GYPE: variants seen among roughly 807,000 people sequenced by gnomAD.
GYPE encodes glycophorin-E.
Under a neutral mutation model 11.6 loss-of-function variants are expected in GYPE, and 8 were observed. The observed-to-expected ratio is 0.69, with a 90% CI of 0.41 to 1.25. The LOEUF is 1.25. GYPE is among the 50% of genes most tolerant of loss of function. The probability of loss-of-function intolerance (pLI) is 0.01; values close to 1 mark genes in which losing one functional copy is unlikely to be tolerated. For missense variants in GYPE, 90 were observed against 92.8 expected (o/e 0.97, Z 0.12); for synonymous variants, 28 against 29.6 (o/e 0.94, Z 0.18).
chr4:143,892,035 T>C (rs1744428426), intron 1 of GYPE, among the ~76,000 whole-genome samples: 1 of 152,230 alleles, frequency 6.6e-6, no homozygotes, highest in African/African-American at 2.4e-5. Flanking sequence ...TGGTTTAGTC[T>C]TGGGAGAGTG....
intron 1 of GYPE, among the ~76,000 whole-genome samples, chr4:143,890,627 A>G (rs1578967923): frequency 1.3e-5 from 2 of 152,194 alleles, no homozygotes; most frequent in African/African-American, 4.8e-5. Flanking sequence ...AGTTGGTAAT[A>G]TAGATTAATA....
intron 1 of GYPE, among the ~76,000 whole-genome samples, chr4:143,894,183 G>A (rs1394982652): frequency 6.6e-6 from 1 of 151,402 alleles, no homozygotes; most frequent in East Asian, 1.9e-4. Flanking sequence ...GCACTTCTCT[G>A]TATTGGTTAT....
At chr4:143,897,085 C>A (rs1158630332) in intron 1 of GYPE, among the ~76,000 whole-genome samples, 3 of 151,992 alleles carry the variant, frequency 2.0e-5, no homozygotes. Flanking sequence ...TGCAGCACAC[C>A]AGCATGGCAC....
At chr4:143,883,563 T>A (rs59049431) in intron 1 of GYPE, among the ~76,000 whole-genome samples, 961 of 16,652 alleles carry the variant, frequency 0.058, 158 homozygotes, top group East Asian at 0.32. Context: ...TTTATAATTA[T>A]TAATAACATG....
At chr4:143,902,442 T>C (rs1744902725) in intron 1 of GYPE, among the ~76,000 whole-genome samples, 4 of 151,976 alleles carry the variant, frequency 2.6e-5, no homozygotes, top group Admixed American at 2.6e-4. Flanking sequence ...AGGGCAATAA[T>C]GATCTGTCTA....
chr4:143,900,108 A>G (rs898931991), intron 1 of GYPE, among the ~76,000 whole-genome samples: 1 of 151,766 alleles, frequency 6.6e-6, no homozygotes, highest in African/African-American at 2.4e-5. Flanking sequence ...CAGAAAGACA[A>G]AAATAGATTT....
In GYPE at chr4:143,878,208, C is replaced by A. The variant is rs182857049; in HGVS notation, c.137-1353G>T. Among the ~76,000 whole-genome samples, 326 of 152,290 alleles carry A rather than the reference C, an allele frequency of 2.1e-3. 2 individuals are homozygous for A. Among genetic ancestry groups the A allele is most frequent in the African/African-American group, 7.7e-3 (319 of 41,556 alleles). Reference sequence around the variant, plus strand: ...TGGCACAGTCATAGCTCACTGCAGCCTCAAACTCCCAGGCTCAGGCAATCG... The same window carrying A: ...TGGCACAGTCATAGCTCACTGCAGCATCAAACTCCCAGGCTCAGGCAATCG... On this transcript the variant is annotated intron_variant, in intron 2 of 3. Transcript: ENST00000358615.
rs568082234 is a variant in GYPE at position 143,884,992 on chromosome 4, G to GA, written c.38-4484dup. Among the ~76,000 whole-genome samples, 240 of 146,956 alleles carry GA rather than the reference G, an allele frequency of 1.6e-3. 3 individuals carry two copies. The highest frequency in any genetic ancestry group is 8.9e-3 in the South Asian group (41 of 4,600). ...CAGTAGTATGGAGGATAACTTAGGG[G>GA]AAAAAAAAACATGCCAGAGCTTTGC... On this transcript the variant is annotated intron_variant, in intron 1 of 3. Transcript: ENST00000358615.
chr4:143,894,695 C>T (rs1266274900), intron 1 of GYPE, among the ~76,000 whole-genome samples: 2 of 152,044 alleles, frequency 1.3e-5, no homozygotes, highest in Non-Finnish European at 2.9e-5. Context: ...GGCAGAGACA[C>T]AACCAAAAAA....
intron 1 of GYPE, among the ~76,000 whole-genome samples, chr4:143,897,624 A>G (rs541240159): frequency 1.3e-5 from 2 of 152,298 alleles, no homozygotes; most frequent in East Asian, 3.9e-4. Context: ...TGTCTCAATA[A>G]TACTTGATTA....
chr4:143,883,563 T>TAAATTAATAATTAA (rs1560941777), intron 1 of GYPE, among the ~76,000 whole-genome samples: 19 of 17,020 alleles, frequency 1.1e-3, no homozygotes, highest in South Asian at 1.7e-3. Flanking sequence ...TTTATAATTA[T>TAAATTAATAATTAA]TAATAACATG....
intron 1 of GYPE, among the ~76,000 whole-genome samples, chr4:143,901,375 T>G (rs111861299): frequency 3.9e-4 from 59 of 152,224 alleles, no homozygotes; most frequent in African/African-American, 1.2e-3. Context: ...GTCCTGATTA[T>G]ATTATATGGT....
At position 143,905,490 on chromosome 4, in the gene GYPE, GA is replaced by G; in HGVS notation, c.17del (p.Ile6ThrfsTer10). MYGKI[I>X]FVLLLSGIVS... ...ACTTACCTGACAATAGTAATACAAA[GA>G]TTATTTTTCCATACATCCTGAGATC... On this transcript the variant is annotated frameshift_variant, in exon 1 of 4. Coordinates refer to ENST00000358615, the MANE Select transcript of GYPE (RefSeq NM_198682.3). LOFTEE classifies it high-confidence loss of function. 1 of 1,613,192 alleles carries G rather than the reference GA, an allele frequency of 6.2e-7. No individual in the cohort carries two copies. Among genetic ancestry groups the G allele is most frequent in the East Asian group, 2.2e-5 (1 of 44,876 alleles).
intron 1 of GYPE, among the ~76,000 whole-genome samples, chr4:143,894,575 C>T (rs1445739486): frequency 6.6e-6 from 1 of 152,102 alleles, no homozygotes; most frequent in East Asian, 1.9e-4. Context: ...TAGAGGTCCA[C>T]TCCAGAGGAA....
chr4:143,901,275 T>C (rs1744855428), intron 1 of GYPE, among the ~76,000 whole-genome samples: 1 of 152,178 alleles, frequency 6.6e-6, no homozygotes, highest in Admixed American at 6.6e-5. Context: ...TGTATAGTCA[T>C]AGTCTATGAC....
intron 3 of GYPE, 101 bp from the exon 4 acceptor site, chr4:143,872,353 A>G (rs1301812750): frequency 1.3e-5 from 2 of 152,618 alleles, no homozygotes; most frequent in Non-Finnish European, 2.9e-5. Context: ...TATCTCCCCA[A>G]GATGTTTCTA....
intron 1 of GYPE, among the ~76,000 whole-genome samples, chr4:143,900,206 C>G (rs1196436700): frequency 7.0e-6 from 1 of 143,242 alleles, no homozygotes; most frequent in Non-Finnish European, 1.5e-5. Context: ...TTCTCAGCAT[C>G]ATGAGTTATC....
chr4:143,894,042 C>T (rs1294599611), intron 1 of GYPE, among the ~76,000 whole-genome samples: 5 of 152,102 alleles, frequency 3.3e-5, no homozygotes, highest in Admixed American at 1.3e-4. Flanking sequence ...CTTCCCTTCT[C>T]GCTTCATTTC....
chr4:143,904,681 G>C (rs1185868700), intron 1 of GYPE, among the ~76,000 whole-genome samples: 2 of 152,108 alleles, frequency 1.3e-5, no homozygotes, highest in Non-Finnish European at 2.9e-5. Context: ...ATGTCTAATA[G>C]ACTCAGAATG....
Sources: gnomAD v4.1 joint callset for allele counts (sites outside exome capture counted in the v4.1 genomes callset) on GRCh38, gnomAD v4.1.1 for gene constraint, MANE v1.5 for transcripts, NCBI Gene and HGNC (gene_info 2026-07-23, HGNC 2026-07-21) for gene names.